The following CSMD1 variants were observed in gnomAD, a reference collection of about 807,000 sequenced individuals.
CSMD1 encodes CUB and Sushi multiple domains 1.
CSMD1 carries 213 observed loss-of-function variants against 417.5 expected under a neutral mutation model. That is an observed-to-expected ratio of 0.51 (90% CI 0.46 to 0.57). CSMD1 has a LOEUF of 0.57. Ranked by LOEUF, CSMD1 falls within the 20% of genes least tolerant of loss-of-function variation. The pLI, the probability that CSMD1 is intolerant of heterozygous loss-of-function variation, is 0.00. For missense variants in CSMD1, 6,923 were observed against 4,529.7 expected (o/e 1.53, Z -15.17); for synonymous variants, 2,862 against 1,736.8 (o/e 1.65, Z -16.11).
chr8:4,598,364 G>T (rs1393773763), intron 2 of CSMD1, among the ~76,000 whole-genome samples: 1 of 152,144 alleles, frequency 6.6e-6, no homozygotes, highest in East Asian at 1.9e-4. Context: ...TTAGGGGCTG[G>T]TGCCTAGATA....
intron 1 of CSMD1, among the ~76,000 whole-genome samples, chr8:4,722,569 T>G (rs970723149): frequency 2.0e-5 from 3 of 152,070 alleles, no homozygotes; most frequent in Non-Finnish European, 4.4e-5. Flanking sequence ...ATCAGATAGT[T>G]AGGAATGTCT....
chr8:3,955,169 T>G (rs753610360), intron 5 of CSMD1, among the ~76,000 whole-genome samples: 2 of 152,206 alleles, frequency 1.3e-5, no homozygotes, highest in African/African-American at 2.4e-5. Flanking sequence ...ACTGTCCTCC[T>G]GTCCTCCACC....
intron 2 of CSMD1, among the ~76,000 whole-genome samples, chr8:4,493,567 G>A (rs1252372239): frequency 6.6e-6 from 1 of 152,060 alleles, no homozygotes; most frequent in Admixed American, 6.6e-5. Flanking sequence ...AGGCAATGGG[G>A]CATGCACCTG....
chr8:3,734,272 A>G (rs910565846), intron 6 of CSMD1, among the ~76,000 whole-genome samples: 1 of 152,214 alleles, frequency 6.6e-6, no homozygotes, highest in Non-Finnish European at 1.5e-5. Context: ...TTCATCTCCC[A>G]GTGTCTCCCT....
intron 6 of CSMD1, among the ~76,000 whole-genome samples, chr8:3,722,617 C>A (rs1385878314): frequency 6.6e-6 from 1 of 152,040 alleles, no homozygotes; most frequent in African/African-American, 2.4e-5. Context: ...GGGAAAAGTC[C>A]CCATTAGTAA....
At chr8:4,698,991 G>T (rs1005641162) in intron 1 of CSMD1, among the ~76,000 whole-genome samples, 1 of 151,580 alleles carries the variant, frequency 6.6e-6, no homozygotes, top group Non-Finnish European at 1.5e-5. Flanking sequence ...CCTTGCCATG[G>T]TCATGCTTTG....
intron 3 of CSMD1, among the ~76,000 whole-genome samples, chr8:4,287,920 G>C (rs185735750): frequency 6.6e-6 from 1 of 151,988 alleles, no homozygotes; most frequent in East Asian, 1.9e-4. Context: ...ACATATCTAT[G>C]GTCATGTTTA....
At chr8:3,803,582 T>A (rs1800574159) in intron 5 of CSMD1, among the ~76,000 whole-genome samples, 1 of 152,158 alleles carries the variant, frequency 6.6e-6, no homozygotes, top group Non-Finnish European at 1.5e-5. Context: ...AGATGGTTCA[T>A]GAAGGAGAAC....
chr8:3,134,145 C>A (rs187521518), intron 41 of CSMD1, among the ~76,000 whole-genome samples: 3 of 151,936 alleles, frequency 2.0e-5, no homozygotes, highest in African/African-American at 7.2e-5. Context: ...GCACTCCAGC[C>A]TCTCGACAGA....
At chr8:4,560,065 T>G (rs1387376313) in intron 2 of CSMD1, among the ~76,000 whole-genome samples, 1 of 152,248 alleles carries the variant, frequency 6.6e-6, no homozygotes, top group East Asian at 1.9e-4. Flanking sequence ...GGTCCTCGAC[T>G]GCATATCCAC....
rs758838195 is a variant in CSMD1 at position 4,780,440 on chromosome 8, C to CTGTCTGT, written c.86-142883_86-142882insACAGACA. Among the ~76,000 whole-genome samples the CTGTCTGT allele has an allele frequency of 4.4e-3, 631 of 143,940 alleles. 7 individuals are homozygous for CTGTCTGT. Among genetic ancestry groups the CTGTCTGT allele is most frequent in the African/African-American group, 0.015 (567 of 38,288 alleles). 94.4% of individuals were successfully genotyped at this position (143,940 alleles called of 152,430 possible). On this transcript the variant is annotated intron_variant, in intron 1 of 69. Coordinates refer to ENST00000635120, the MANE Select transcript of CSMD1 (RefSeq NM_033225.6). ...ATCTGTCTGTCTGTCTGTCTGTCTA[C>CTGTCTGT]CTACCTACCTACCTATCATCTCTCT...
intron 3 of CSMD1, among the ~76,000 whole-genome samples, chr8:4,037,740 T>C (rs116304072): frequency 0.011 from 1,722 of 152,306 alleles, 29 homozygotes; most frequent in African/African-American, 0.038. Context: ...TTTATGACTC[T>C]ATCAGATTTT....
At chr8:3,745,960 T>G (rs927772485) in intron 6 of CSMD1, among the ~76,000 whole-genome samples, 1 of 152,146 alleles carries the variant, frequency 6.6e-6, no homozygotes, top group Non-Finnish European at 1.5e-5. Context: ...TCATGACCAG[T>G]TGGTCAATGT....
chr8:4,182,690 A>G (rs1357448024), intron 3 of CSMD1, among the ~76,000 whole-genome samples: 1 of 152,164 alleles, frequency 6.6e-6, no homozygotes, highest in African/African-American at 2.4e-5. Flanking sequence ...TGCCCGATTA[A>G]TTTGAAGCTT....
chr8:4,277,177 T>TATACATACA (rs1796533866), intron 3 of CSMD1, among the ~76,000 whole-genome samples: 1 of 148,210 alleles, frequency 6.7e-6, no homozygotes, highest in African/African-American at 2.5e-5. Flanking sequence ...ACATACATAT[T>TATACATACA]TATATGTCAT....
At chr8:4,228,996 G>T (rs761628276) in intron 3 of CSMD1, among the ~76,000 whole-genome samples, 57 of 152,068 alleles carry the variant, frequency 3.7e-4, no homozygotes, top group Non-Finnish European at 6.6e-4. Context: ...CGCGAACCTG[G>T]ACTTTTCCAT....
intron 5 of CSMD1, among the ~76,000 whole-genome samples, chr8:3,788,792 A>G (rs184053845): frequency 2.0e-5 from 3 of 152,308 alleles, no homozygotes. Flanking sequence ...GTGCAAAATC[A>G]ATACACAGGA....
At chr8:4,270,799 C>A (rs1804538847) in intron 3 of CSMD1, among the ~76,000 whole-genome samples, 1 of 152,142 alleles carries the variant, frequency 6.6e-6, no homozygotes. Context: ...CTTCCTTCCT[C>A]CTAGAAAGTT....
rs987464557 is a variant in CSMD1 at position 3,160,619 on chromosome 8, C to T, written c.5844+1540G>A. Among the ~76,000 whole-genome samples the T allele has an allele frequency of 3.3e-5, 5 of 152,264 alleles. No individual in the cohort carries two copies. In the South Asian group the frequency reaches 6.2e-4, roughly 19 times the overall value. On this transcript the variant is annotated intron_variant, in intron 38 of 69. Coordinates refer to ENST00000635120, the MANE Select transcript of CSMD1 (RefSeq NM_033225.6). ...TGCAGAGTTACAATTATTGTGGTAC[C>T]CACCAAGATGGTGTTATAATGTAAG...
Sources: allele counts gnomAD v4.1 joint callset (sites outside exome capture counted in the v4.1 genomes callset), GRCh38; gene constraint gnomAD v4.1.1; transcripts MANE v1.5; gene names NCBI Gene and HGNC (gene_info 2026-07-23, HGNC 2026-07-21).